TRAK1: variants seen among roughly 807,000 people sequenced by gnomAD.
TRAK1 encodes the protein trafficking kinesin protein 1, also known as trafficking kinesin-binding protein 1.
In TRAK1, 33 loss-of-function variants were observed where a neutral mutation model predicts 92.1. That is an observed-to-expected ratio of 0.36 (90% CI 0.27 to 0.48). The LOEUF (loss-of-function observed/expected upper bound fraction) is 0.48, where lower values mean the gene tolerates loss of function less well. Among genes scored for constraint, TRAK1 ranks in the 20% least tolerant of loss-of-function variants. TRAK1 has a pLI of 0.99. For synonymous variants in TRAK1, 521 were observed against 517.3 expected, an observed-to-expected ratio of 1.01 and a Z score of -0.10; for missense variants, 1,123 against 1,257.9, an observed-to-expected ratio of 0.89 and a Z score of 1.62.
chr3:42,189,221 G>T, intron 6 of TRAK1, 97 bp downstream of exon 6: 1 of 885,950 alleles, frequency 1.1e-6, no homozygotes. Flanking sequence ...CCTCCTCAAA[G>T]CTGGCAGTCT....
chr3:42,173,655 T>C (rs1030448710), intron 2 of TRAK1, among the ~76,000 whole-genome samples: 1 of 152,208 alleles, frequency 6.6e-6, no homozygotes, highest in African/African-American at 2.4e-5. Flanking sequence ...TCTTCCGTTT[T>C]AGTACAGGAG....
chr3:42,127,384 GCT>G (rs1348086277), intron 2 of TRAK1, among the ~76,000 whole-genome samples: 1 of 122,780 alleles, frequency 8.1e-6, no homozygotes, highest in Non-Finnish European at 1.7e-5. Context: ...ACAGGGTTTT[GCT>G]CTGTTGCCCA....
Position 42,209,995 on chromosome 3 carries a change from C to T in TRAK1, c.1963+10C>T, listed in dbSNP as rs771103582. On this transcript the variant is annotated intron_variant, in intron 14 of 15. Coordinates refer to ENST00000327628, the MANE Select transcript of TRAK1 (RefSeq NM_001042646.3). ...CACCCAGAGACCTCAGGTGAGAGGT[C>T]CCAAGCACGTGTGACTGTCTCAGGC... 2 of 1,614,196 alleles carry T rather than the reference C, an allele frequency of 1.2e-6. No homozygotes were observed. Among genetic ancestry groups the T allele is most frequent in the East Asian group, 2.2e-5 (1 of 44,878 alleles).
chr3:42,039,161 C>A (rs2089387139), intron 1 of TRAK1, among the ~76,000 whole-genome samples: 1 of 152,260 alleles, frequency 6.6e-6, no homozygotes, highest in Admixed American at 6.5e-5. Context: ...TTGGACATTT[C>A]ATGTAAACGG....
chr3:42,063,779 C>T (rs922856593), intron 1 of TRAK1, among the ~76,000 whole-genome samples: 1 of 152,126 alleles, frequency 6.6e-6, no homozygotes, highest in Non-Finnish European at 1.5e-5. Context: ...CTCTCTGGCC[C>T]TGTGGTGGGC....
chr3:42,109,652 C>T (rs1031602790), intron 1 of TRAK1, among the ~76,000 whole-genome samples: 3 of 152,096 alleles, frequency 2.0e-5, no homozygotes, highest in Non-Finnish European at 2.9e-5. Context: ...TTCATGCACA[C>T]GTATGTTTAT....
intron 1 of TRAK1, among the ~76,000 whole-genome samples, chr3:42,058,126 T>A (rs2148921882): frequency 6.6e-6 from 1 of 152,272 alleles, no homozygotes; most frequent in Middle Eastern, 3.4e-3. Context: ...CATTGGGAAG[T>A]GAGACTTGTG....
intron 13 of TRAK1, among the ~76,000 whole-genome samples, chr3:42,209,506 G>A (rs1041788921): frequency 2.5e-4 from 38 of 152,054 alleles, no homozygotes; most frequent in African/African-American, 8.9e-4. Flanking sequence ...ATACTATGGT[G>A]TGGATTTTAC....
At chr3:42,115,260 C>A (rs1012139208) in intron 1 of TRAK1, among the ~76,000 whole-genome samples, 1 of 152,080 alleles carries the variant, frequency 6.6e-6, no homozygotes, top group Non-Finnish European at 1.5e-5. Flanking sequence ...CTGTAATTAT[C>A]GCCTGTTTTT....
chr3:42,187,906 A>G, intron 4 of TRAK1, 139 bp from the exon 5 acceptor site: 1 of 723,094 alleles, frequency 1.4e-6, no homozygotes, highest in Non-Finnish European at 2.4e-6. Flanking sequence ...AATAGCACAA[A>G]ATCAGTTTAA....
intron 1 of TRAK1, among the ~76,000 whole-genome samples, chr3:42,064,543 T>C (rs1193050999): frequency 6.6e-6 from 1 of 152,222 alleles, no homozygotes; most frequent in Non-Finnish European, 1.5e-5. Flanking sequence ...CCTAGACTAA[T>C]AGCATAGAAT....
intron 1 of TRAK1, among the ~76,000 whole-genome samples, chr3:42,024,592 A>C (rs1409332864): frequency 6.6e-6 from 1 of 152,236 alleles, no homozygotes; most frequent in Non-Finnish European, 1.5e-5. Flanking sequence ...GATATAAAGC[A>C]CCATGTTTTT....
intron 3 of TRAK1, among the ~76,000 whole-genome samples, chr3:42,178,023 A>C (rs1391065271): frequency 1.3e-5 from 2 of 152,180 alleles, no homozygotes; most frequent in African/African-American, 4.8e-5. Context: ...CTTGGTTGGC[A>C]CCACCGACTT....
intron 2 of TRAK1, chr3:42,160,286 C>T (rs1701102349): frequency 5.1e-6 from 8 of 1,580,386 alleles, no homozygotes; most frequent in Non-Finnish European, 6.0e-6. Context: ...TGCATGGCTC[C>T]TCTGGGTAGG....
chr3:42,143,262 T>C (rs752708763), intron 2 of TRAK1, among the ~76,000 whole-genome samples: 1 of 152,056 alleles, frequency 6.6e-6, no homozygotes, highest in Non-Finnish European at 1.5e-5. Context: ...TTGTTTTCTC[T>C]GTGAGGTGCT....
intron 1 of TRAK1, among the ~76,000 whole-genome samples, chr3:42,109,046 G>A (rs1207047701): frequency 6.6e-6 from 1 of 152,132 alleles, no homozygotes; most frequent in Admixed American, 6.6e-5. Context: ...TTTGACCTCC[G>A]AGTTCAGGCT....
At chr3:42,095,194 CT>C (rs1705722963) in intron 1 of TRAK1, among the ~76,000 whole-genome samples, 1 of 152,206 alleles carries the variant, frequency 6.6e-6, no homozygotes, top group African/African-American at 2.4e-5. Context: ...AGCTCTGTGC[CT>C]GGCAGGTTTC....
chr3:42,131,856 G>A (rs1478472949), intron 2 of TRAK1, among the ~76,000 whole-genome samples: 2 of 150,996 alleles, frequency 1.3e-5, no homozygotes, highest in South Asian at 2.1e-4. Flanking sequence ...CCAGAAGTTC[G>A]AGACCAGCCT....
chr3:42,150,423 A>T (rs1034084542), intron 2 of TRAK1, among the ~76,000 whole-genome samples: 6 of 152,154 alleles, frequency 3.9e-5, no homozygotes, highest in African/African-American at 7.2e-5. Context: ...ATCTGTCTTT[A>T]ATTTTGTCTT....
Sources: gnomAD v4.1 joint callset for allele counts (sites outside exome capture counted in the v4.1 genomes callset) on GRCh38, gnomAD v4.1.1 for gene constraint, MANE v1.5 for transcripts, NCBI Gene and HGNC (gene_info 2026-07-23, HGNC 2026-07-21) for gene names.